AP3B1: variants seen among roughly 807,000 people sequenced by gnomAD.
AP3B1 encodes adaptor related protein complex 3 subunit beta 1, also known as AP-3 complex subunit beta-1.
A neutral mutation model predicts 132.5 loss-of-function variants in AP3B1; 61 were observed. The observed-to-expected ratio is 0.46, with a 90% CI of 0.37 to 0.57. The LOEUF is 0.57. AP3B1 is among the 20% of genes least tolerant of loss of function. AP3B1 has a pLI of 0.00. For missense variants in AP3B1, 1,120 were observed against 1,289.4 expected, an observed-to-expected ratio of 0.87 and a Z score of 2.01; for synonymous variants, 388 against 438.3, an observed-to-expected ratio of 0.89 and a Z score of 1.43.
At chr5:78,268,558 G>A (rs114455620) in intron 1 of AP3B1, among the ~76,000 whole-genome samples, 1 of 152,238 alleles carries the variant, frequency 6.6e-6, no homozygotes, top group African/African-American at 2.4e-5. Context: ...TCTGGAGAGA[G>A]AAGTGAGCAA....
chr5:78,146,556 G>A (rs370603420), intron 14 of AP3B1, among the ~76,000 whole-genome samples: 25 of 152,060 alleles, frequency 1.6e-4, no homozygotes, highest in African/African-American at 5.8e-4. Flanking sequence ...TAATTAGAAG[G>A]GAATTTTGTT....
rs112329411 is a variant in AP3B1, at chr5:78,156,385, T to C, written c.1364-18A>G. 3.0e-3 allele frequency: 4,543 copies of C among 1,503,960 alleles called. 127 individuals carry two copies. In the African/African-American group the frequency reaches 0.054, roughly 18 times the overall value. 93.2% of individuals were successfully genotyped at this position (1,503,960 alleles called of 1,614,324 possible). A position where few individuals can be genotyped will look rare whatever the true frequency, so the allele number is the denominator to read the frequency against. On this transcript the variant is annotated intron_variant, in intron 13 of 26. Coordinates refer to ENST00000255194, the MANE Select transcript of AP3B1 (RefSeq NM_003664.5). ...AACTATTTCTGAAAAAGATAGAAAT[T>C]ATTCATACTAAATATGTATAATTCA...
chr5:78,069,579 C>A (rs1008058638), intron 22 of AP3B1, among the ~76,000 whole-genome samples: 1 of 152,076 alleles, frequency 6.6e-6, no homozygotes, highest in Non-Finnish European at 1.5e-5. Flanking sequence ...GAACTACAAA[C>A]CACTGCTCAA....
intron 26 of AP3B1, among the ~76,000 whole-genome samples, chr5:78,010,571 G>A (rs1169183256): frequency 6.6e-6 from 1 of 152,158 alleles, no homozygotes; most frequent in African/African-American, 2.4e-5. Flanking sequence ...TGTAACAAAA[G>A]CAAGGCACCT....
chr5:78,104,880 T>A (rs1451560351), intron 20 of AP3B1, among the ~76,000 whole-genome samples: 1 of 152,146 alleles, frequency 6.6e-6, no homozygotes, highest in Non-Finnish European at 1.5e-5. Flanking sequence ...GAGACACAAA[T>A]ATAACCTGAG....
At chr5:78,049,634 G>A (rs1748494930) in intron 22 of AP3B1, among the ~76,000 whole-genome samples, 1 of 152,144 alleles carries the variant, frequency 6.6e-6, no homozygotes, top group African/African-American at 2.4e-5. Context: ...GAAATAATCT[G>A]GCTATTTCTC....
chr5:78,034,450 G>A lies in AP3B1; in HGVS notation c.2810-5C>T, dbSNP rs773742569. On this transcript the variant is annotated splice_region_variant and splice_polypyrimidine_tract_variant and intron_variant, in intron 23 of 26. Transcript: ENST00000255194. ...ATCCCTCAGGCTCAAGAGAGTCTAG[G>A]AAATAAGATAATTTAGACATGAAAA... 1.2e-6 allele frequency: 2 copies of A among 1,600,722 alleles called. No homozygotes were observed. The highest frequency in any genetic ancestry group is 1.1e-5 in the South Asian group (1 of 90,766).
chr5:78,000,588 A>T (rs991697988), downstream of AP3B1: 4 of 151,906 alleles, frequency 2.6e-5, no homozygotes, highest in Non-Finnish European at 4.4e-5. Context: ...TCTTTAGAAT[A>T]AAAAAACTCT....
chr5:78,229,754 T>C (rs187941305), intron 3 of AP3B1, among the ~76,000 whole-genome samples: 1 of 151,192 alleles, frequency 6.6e-6, no homozygotes, highest in East Asian at 1.9e-4. Flanking sequence ...ATTTAAAAAA[T>C]TTAAAATTAA....
intron 24 of AP3B1, among the ~76,000 whole-genome samples, chr5:78,022,795 G>T (rs1044113565): frequency 7.9e-5 from 12 of 152,080 alleles, no homozygotes; most frequent in Admixed American, 7.2e-4. Flanking sequence ...TAATAGTCTA[G>T]GCAGGATTTT....
chr5:78,000,759 C>T (rs1746183391), downstream of AP3B1: 1 of 152,104 alleles, frequency 6.6e-6, no homozygotes, highest in African/African-American at 2.4e-5. Context: ...CATTGACTAA[C>T]TCGACTCAAT....
chr5:78,066,109 A>G, intron 22 of AP3B1, among the ~76,000 whole-genome samples: 1 of 152,192 alleles, frequency 6.6e-6, no homozygotes, highest in East Asian at 1.9e-4. Context: ...AGAAAAACAA[A>G]CATCAAGCAA....
chr5:78,221,906 A>C (rs533995278), intron 6 of AP3B1, among the ~76,000 whole-genome samples: 1 of 152,294 alleles, frequency 6.6e-6, no homozygotes, highest in Non-Finnish European at 1.5e-5. Context: ...ACTATATTTC[A>C]AAGATAAAAT....
chr5:78,195,209 G>A (rs554196224), intron 7 of AP3B1, among the ~76,000 whole-genome samples: 33 of 152,240 alleles, frequency 2.2e-4, no homozygotes, highest in African/African-American at 7.5e-4. Flanking sequence ...ATGAAATCTT[G>A]GAATGGGGTA....
chr5:78,072,652 T>TA (rs1749587761), intron 22 of AP3B1, among the ~76,000 whole-genome samples: 1 of 146,786 alleles, frequency 6.8e-6, no homozygotes, highest in African/African-American at 2.5e-5. Flanking sequence ...GATAGGCTTA[T>TA]AAAAGCTGTA....
chr5:78,060,504 A>G (rs1206496089), intron 22 of AP3B1, among the ~76,000 whole-genome samples: 1 of 152,220 alleles, frequency 6.6e-6, no homozygotes, highest in African/African-American at 2.4e-5. Context: ...TATATTACAA[A>G]TATAAAAGAA....
chr5:78,170,725 T>C (rs1035207791), intron 11 of AP3B1, among the ~76,000 whole-genome samples: 2 of 152,224 alleles, frequency 1.3e-5, no homozygotes, highest in Admixed American at 1.3e-4. Context: ...ATGCAGAAGC[T>C]CTTTAGTTTA....
At chr5:78,162,291 T>C (rs1305327735) in intron 13 of AP3B1, among the ~76,000 whole-genome samples, 2 of 152,138 alleles carry the variant, frequency 1.3e-5, no homozygotes, top group Non-Finnish European at 2.9e-5. Flanking sequence ...CACTTAGATA[T>C]TGTTTGGCTT....
At chr5:78,105,858 T>C (rs1488008340) in intron 20 of AP3B1, among the ~76,000 whole-genome samples, 1 of 152,204 alleles carries the variant, frequency 6.6e-6, no homozygotes, top group African/African-American at 2.4e-5. Flanking sequence ...GGCACCTGAA[T>C]GTGTGACTAT....
Sources: gnomAD v4.1 joint callset for allele counts (sites outside exome capture counted in the v4.1 genomes callset) on GRCh38, gnomAD v4.1.1 for gene constraint, MANE v1.5 for transcripts, NCBI Gene and HGNC (gene_info 2026-07-23, HGNC 2026-07-21) for gene names.